HLCS: variants seen among roughly 807,000 people sequenced by gnomAD.
HLCS encodes holocarboxylase synthetase, also known as biotin--protein ligase.
In HLCS, 53 loss-of-function variants were observed where a neutral mutation model predicts 75.0. The observed-to-expected ratio is 0.71, with a 90% confidence interval of 0.57 to 0.89. HLCS has a LOEUF of 0.89. Ranked by LOEUF, HLCS falls within the 40% of genes least tolerant of loss-of-function variation. The pLI, the probability that HLCS is intolerant of heterozygous loss-of-function variation, is 0.00. For missense variants in HLCS, 966 were observed against 1,074.0 expected, an observed-to-expected ratio of 0.90 and a Z score of 1.41; for synonymous variants, 431 against 428.6, an observed-to-expected ratio of 1.01 and a Z score of -0.07.
At chr21:36,851,173 C>G (rs1249923940) in intron 6 of HLCS, among the ~76,000 whole-genome samples, 1 of 152,194 alleles carries the variant, frequency 6.6e-6, no homozygotes, top group Non-Finnish European at 1.5e-5. Context: ...CAATCCCAAT[C>G]CTAGGCATAT....
chr21:36,974,245 G>A (rs926978763), intron 1 of HLCS: 1 of 152,402 alleles, frequency 6.6e-6, no homozygotes. Context: ...GAAAAATACT[G>A]TAGCCGCTCC....
chr21:36,935,455 G>A (rs2066836263), intron 4 of HLCS, among the ~76,000 whole-genome samples: 1 of 152,004 alleles, frequency 6.6e-6, no homozygotes, highest in Admixed American at 6.5e-5. Context: ...TTAGCTTCCA[G>A]GAGAACTGGA....
rs532709465 is a variant in HLCS, at chr21:36,813,324, A to C, written c.1893-46039T>G. Among the ~76,000 whole-genome samples, 3 of 152,014 alleles carry C rather than the reference A, an allele frequency of 2.0e-5. No homozygotes were observed. The South Asian group carries it at 6.3e-4, about 32-fold the overall frequency. ...CGTCATAATTTCCTGTAATAATCTC[A>C]CTCATGCCTGAACTCCACAGACATT... On this transcript the variant is annotated intron_variant, in intron 6 of 10. Coordinates refer to ENST00000674895, the MANE Select transcript of HLCS (RefSeq NM_001352514.2).
intron 6 of HLCS, among the ~76,000 whole-genome samples, chr21:36,880,326 A>G (rs142736088): frequency 1.3e-5 from 2 of 152,326 alleles, no homozygotes; most frequent in Non-Finnish European, 1.5e-5. Flanking sequence ...GAGAAGGAAG[A>G]AAAGAGAACA....
intron 6 of HLCS, among the ~76,000 whole-genome samples, chr21:36,795,452 AG>A (rs3838087): frequency 0.14 from 21,171 of 152,204 alleles, 1,775 homozygotes; most frequent in Non-Finnish European, 0.18. Context: ...CCAAATACTG[AG>A]GGTTCTGGAC....
chr21:36,767,756 A>G (rs1390199449), intron 6 of HLCS, among the ~76,000 whole-genome samples: 2 of 152,198 alleles, frequency 1.3e-5, no homozygotes, highest in African/African-American at 4.8e-5. Flanking sequence ...CAGAAAACCA[A>G]TATGGTGGCA....
Position 36,938,817 on chromosome 21 carries a change from T to C in HLCS, c.493+15A>G. 1.2e-6 allele frequency: 2 copies of C among 1,613,794 alleles called. No homozygotes were observed. Among genetic ancestry groups the C allele is most frequent in the South Asian group, 1.1e-5 (1 of 91,088 alleles). ...CTATGCCTGGCCAATAAAAACATTT[T>C]CTAAAGTTACTTACACACAATCTTT... On this transcript the variant is annotated intron_variant, in intron 3 of 10. Transcript: ENST00000674895.
At chr21:36,846,694 G>T (rs2062811064) in intron 6 of HLCS, among the ~76,000 whole-genome samples, 1 of 152,190 alleles carries the variant, frequency 6.6e-6, no homozygotes, top group African/African-American at 2.4e-5. Context: ...TCTAGGTTGA[G>T]AAAGAACTGT....
chr21:36,885,037 G>T lies in HLCS; in HGVS notation c.1892+11823C>A, dbSNP rs182414162. ...AAAAAAGAGAAGGTTCAATGAAAAA[G>T]AGACTTGCTTCACATATAAGAGAAA... On this transcript the variant is annotated intron_variant, in intron 6 of 10. Transcript: ENST00000674895. 1.9e-3 allele frequency among the ~76,000 whole-genome samples: 283 copies of T among 152,272 alleles called. 2 individuals carry two copies. The highest frequency in any genetic ancestry group is 6.3e-3 in the African/African-American group (263 of 41,562).
At chr21:36,869,105 T>TATTC (rs1157165097) in intron 6 of HLCS, among the ~76,000 whole-genome samples, 1 of 29,248 alleles carries the variant, frequency 3.4e-5, no homozygotes, top group Non-Finnish European at 5.8e-5. Context: ...TTAATTTATT[T>TATTC]ATTTATTTAT....
At chr21:36,756,909 TG>T in intron 9 of HLCS, 154 bp from the exon 10 acceptor site, 1 of 985,152 alleles carries the variant, frequency 1.0e-6, no homozygotes, top group Non-Finnish European at 1.2e-6. Context: ...AAGAGTGACA[TG>T]TATTTCTGTC....
chr21:36,900,401 C>A (rs1410380069), intron 5 of HLCS, among the ~76,000 whole-genome samples: 1 of 152,096 alleles, frequency 6.6e-6, no homozygotes, highest in Admixed American at 6.6e-5. Context: ...AGAGCCTGAT[C>A]AGGGCACAGC....
Position 36,938,900 on chromosome 21 carries a change from T to G in HLCS, c.425A>C (p.Lys142Thr), listed in dbSNP as rs1264553558. The part of the protein sequence containing the change: ...IAEASVDNFS[K>T]LGVAFMEDRL... ...ATCTTCCATGAACGCCACCCCCAGC[T>G]TGCTGAAGTTGTCCACACTTGCTTC... The change falls in exon 3 of 11, where the codon AAG (lysine) becomes ACG (threonine). Residue 142 changes from lysine to threonine, a missense_variant. Physicochemically the swap from Lys to Thr is moderately conservative, Grantham distance 78. Transcript: ENST00000674895. 6.2e-7 allele frequency: 1 copy of G among 1,614,144 alleles called. No homozygotes were observed. The highest frequency in any genetic ancestry group is 1.7e-5 in the Admixed American group (1 of 60,022).
intron 6 of HLCS, among the ~76,000 whole-genome samples, chr21:36,825,634 C>T (rs1002876122): frequency 6.6e-6 from 1 of 152,176 alleles, no homozygotes; most frequent in African/African-American, 2.4e-5. Context: ...CCAGGTCACC[C>T]CCGCCCCAGG....
intron 6 of HLCS, among the ~76,000 whole-genome samples, chr21:36,775,918 A>G (rs2060344298): frequency 6.6e-6 from 1 of 152,202 alleles, no homozygotes; most frequent in South Asian, 2.1e-4. Context: ...TGGAATTCAC[A>G]CCAATTTTTT....
chr21:36,851,388 G>T (rs528652002), intron 6 of HLCS, among the ~76,000 whole-genome samples: 1 of 152,312 alleles, frequency 6.6e-6, no homozygotes, highest in Non-Finnish European at 1.5e-5. Context: ...CAACATGGAC[G>T]GAACTGGAGG....
chr21:36,907,930 A>G (rs1056238694), intron 5 of HLCS, among the ~76,000 whole-genome samples: 1 of 152,074 alleles, frequency 6.6e-6, no homozygotes, highest in African/African-American at 2.4e-5. Flanking sequence ...GCAAATTAAA[A>G]CCACAATTAG....
chr21:36,948,806 G>GT (rs1292968129), intron 2 of HLCS, among the ~76,000 whole-genome samples: 1 of 148,314 alleles, frequency 6.7e-6, no homozygotes, highest in Non-Finnish European at 1.5e-5. Flanking sequence ...AAGTAACAGC[G>GT]TAAGAGTTAT....
chr21:36,813,267 G>T (rs1368351731), intron 6 of HLCS, among the ~76,000 whole-genome samples: 1 of 152,140 alleles, frequency 6.6e-6, no homozygotes, highest in East Asian at 1.9e-4. Flanking sequence ...CAAACAACTG[G>T]TGTTTTAATA....
Sources: gnomAD v4.1 joint callset for allele counts (sites outside exome capture counted in the v4.1 genomes callset) on GRCh38, gnomAD v4.1.1 for gene constraint, MANE v1.5 for transcripts, NCBI Gene and HGNC (gene_info 2026-07-23, HGNC 2026-07-21) for gene names.